ARAP2: variants seen among roughly 807,000 people sequenced by gnomAD.
The protein encoded by ARAP2 is ArfGAP with RhoGAP domain, ankyrin repeat and PH domain 2.
In ARAP2, 148 loss-of-function variants were observed where a neutral mutation model predicts 194.5. The ratio of observed to expected loss-of-function variants is 0.76; its 90% CI spans 0.67 to 0.87. The LOEUF (loss-of-function observed/expected upper bound fraction) is 0.87, where lower values mean the gene tolerates loss of function less well. Among genes scored for constraint, ARAP2 ranks in the 40% least tolerant of loss-of-function variants. ARAP2 has a pLI of 0.00. For synonymous variants in ARAP2, 695 were observed against 683.5 expected (o/e 1.02, Z -0.26); for missense variants, 2,128 against 1,989.7 (o/e 1.07, Z -1.32).
At chr4:36,196,820 T>C (rs1444408683) in intron 6 of ARAP2, among the ~76,000 whole-genome samples, 1 of 151,752 alleles carries the variant, frequency 6.6e-6, no homozygotes, top group Admixed American at 6.6e-5. Flanking sequence ...ACTGCCTCTC[T>C]TCTCCAGACT....
intron 31 of ARAP2, 113 bp downstream of exon 31, chr4:36,080,103 T>C (rs1047816246): frequency 3.9e-6 from 3 of 773,770 alleles, no homozygotes; most frequent in Non-Finnish European, 6.1e-6. Context: ...TTATGCCAAT[T>C]GTACATACAT....
intron 25 of ARAP2, 117 bp from the exon 26 acceptor site, chr4:36,114,404 G>A (rs1720820430): frequency 1.5e-6 from 1 of 670,744 alleles, no homozygotes; most frequent in South Asian, 2.0e-5. Context: ...TTTTGAGCAT[G>A]GTTAAAACCA....
chr4:36,144,649 T>C (rs780435495), intron 19 of ARAP2, among the ~76,000 whole-genome samples: 32 of 151,910 alleles, frequency 2.1e-4, no homozygotes, highest in Non-Finnish European at 4.0e-4. Flanking sequence ...TCCCATGAAG[T>C]TGAAGGAAAG....
At chr4:36,203,146 T>G (rs1744775584) in intron 6 of ARAP2, among the ~76,000 whole-genome samples, 1 of 152,226 alleles carries the variant, frequency 6.6e-6, no homozygotes, top group South Asian at 2.1e-4. Context: ...CATAATAGTC[T>G]AGTTTTATTC....
At chr4:36,013,373 C>T (rs1418087908) in intron 8 of ARAP2, among the ~76,000 whole-genome samples, 1 of 152,118 alleles carries the variant, frequency 6.6e-6, no homozygotes, top group East Asian at 1.9e-4. Context: ...AAATGTCTCT[C>T]CCTAGAAGAA....
At chr4:36,111,867 C>T (rs991847107) in intron 26 of ARAP2, among the ~76,000 whole-genome samples, 1 of 151,974 alleles carries the variant, frequency 6.6e-6, no homozygotes, top group Non-Finnish European at 1.5e-5. Flanking sequence ...TCCAGTGGCA[C>T]ACAGATATAC....
At chr4:36,224,676 T>C (rs1250451766) in intron 2 of ARAP2, among the ~76,000 whole-genome samples, 1 of 152,172 alleles carries the variant, frequency 6.6e-6, no homozygotes, top group Admixed American at 6.5e-5. Context: ...ACCCTCACCT[T>C]CTAACAATAA....
chr4:36,038,640 C>T (rs1339963389), intron 5 of ARAP2, among the ~76,000 whole-genome samples: 3 of 152,082 alleles, frequency 2.0e-5, no homozygotes, highest in African/African-American at 7.2e-5. Flanking sequence ...TTTTTTTGTA[C>T]AGCCACTTTG....
chr4:36,109,526 T>C (rs1174745514), intron 26 of ARAP2, among the ~76,000 whole-genome samples: 3 of 151,926 alleles, frequency 2.0e-5, no homozygotes, highest in Admixed American at 1.3e-4. Flanking sequence ...TTTTGTGCTA[T>C]GTCAATATTA....
In ARAP2 at chr4:36,031,379, T is replaced by C. The variant is rs543474530; in HGVS notation, n.608-12093A>G. Among the ~76,000 whole-genome samples, 3 of 152,338 alleles carry C rather than the reference T, an allele frequency of 2.0e-5. No homozygotes were observed. The East Asian group carries it at 5.8e-4, about 29-fold the overall frequency. On this transcript the variant is annotated intron_variant and non_coding_transcript_variant, in intron 5 of 12. Transcript: ENST00000503225. The stretch of plus-strand genomic sequence containing the variant: ...CCATTGTAGCAATCGAATGCCTTCT[T>C]ATACTAAGAAGCTTAGTCACTGAAT...
At chr4:36,103,096 C>A (rs1277345299) in intron 27 of ARAP2, among the ~76,000 whole-genome samples, 11 of 150,864 alleles carry the variant, frequency 7.3e-5, no homozygotes, top group Non-Finnish European at 1.6e-4. Flanking sequence ...TTTTTAAGTT[C>A]ATAGATAGTG....
chr4:36,018,123 G>A (rs1282699479), intron 6 of ARAP2, among the ~76,000 whole-genome samples: 2 of 152,062 alleles, frequency 1.3e-5, no homozygotes, highest in South Asian at 2.1e-4. Context: ...AGTTTAAAAT[G>A]TTTTAAGTCT....
At chr4:36,014,982 G>A (rs1715523779) in intron 8 of ARAP2, among the ~76,000 whole-genome samples, 1 of 152,178 alleles carries the variant, frequency 6.6e-6, no homozygotes. Context: ...GTATGCAGAT[G>A]TGGTATGTGC....
intron 27 of ARAP2, among the ~76,000 whole-genome samples, chr4:36,096,217 T>C (rs7674253): frequency 0.15 from 23,443 of 151,426 alleles, 4,089 homozygotes; most frequent in African/African-American, 0.43. Context: ...TACAAAAAAT[T>C]AGCCAGGCGT....
intron 10 of ARAP2, chr4:36,006,718 A>G (rs1205717175): frequency 6.6e-6 from 1 of 152,202 alleles, no homozygotes; most frequent in Non-Finnish European, 1.5e-5. Flanking sequence ...CTATCTTTAA[A>G]TTTAAAAAAA....
chr4:36,198,739 A>G (rs1743721886), intron 6 of ARAP2, among the ~76,000 whole-genome samples: 1 of 152,208 alleles, frequency 6.6e-6, no homozygotes, highest in Non-Finnish European at 1.5e-5. Context: ...AGCAGGGAGA[A>G]GCCAGGCAGT....
chr4:36,106,902 G>A (rs1360672085), intron 27 of ARAP2, among the ~76,000 whole-genome samples: 1 of 151,906 alleles, frequency 6.6e-6, no homozygotes, highest in Non-Finnish European at 1.5e-5. Flanking sequence ...TATTGAGTTG[G>A]ATTGTATATA....
chr4:36,091,354 T>C (rs1488938365), intron 28 of ARAP2, among the ~76,000 whole-genome samples: 1 of 152,164 alleles, frequency 6.6e-6, no homozygotes, highest in Non-Finnish European at 1.5e-5. Context: ...CTAATTCTCT[T>C]ATCCACTCCA....
intron 1 of ARAP2, among the ~76,000 whole-genome samples, chr4:36,059,114 C>G (rs577058756): frequency 1.9e-3 from 294 of 152,186 alleles, no homozygotes; most frequent in African/African-American, 6.6e-3. Flanking sequence ...TAAAAAATAG[C>G]AGGTGGTGCA....
Sources: gnomAD v4.1 joint callset for allele counts (sites outside exome capture counted in the v4.1 genomes callset) on GRCh38, gnomAD v4.1.1 for gene constraint, MANE v1.5 for transcripts, NCBI Gene and HGNC (gene_info 2026-07-23, HGNC 2026-07-21) for gene names.